Variants in DTL observed in about 807,000 individuals in gnomAD.
The protein encoded by DTL is denticleless protein homolog.
Under a neutral mutation model 87.0 loss-of-function variants are expected in DTL, and 46 were observed. The ratio of observed to expected loss-of-function variants is 0.53; its 90% CI spans 0.42 to 0.68. The LOEUF is 0.68. Ranked by LOEUF, DTL falls within the 30% of genes least tolerant of loss-of-function variation. The pLI, the probability that DTL is intolerant of heterozygous loss-of-function variation, is 0.00. For synonymous variants in DTL, 308 were observed against 311.2 expected, an observed-to-expected ratio of 0.99 and a Z score of 0.11; for missense variants, 737 against 869.4, an observed-to-expected ratio of 0.85 and a Z score of 1.91.
rs1490986793 is a variant in DTL, at chr1:212,090,643, A to AG, written c.1262-9606dup. 2.0e-5 allele frequency among the ~76,000 whole-genome samples: 3 copies of AG among 152,220 alleles called. No homozygotes were observed. The East Asian group carries it at 5.8e-4, about 29-fold the overall frequency. On this transcript the variant is annotated intron_variant, in intron 13 of 14. Transcript: ENST00000366991. ...AGTACTTGCCATTGTATGTAAACAA[A>AG]GGGACAGGTACACATACAGAAGTCC...
At chr1:212,084,505 A>C (rs1413378545) in intron 13 of DTL, among the ~76,000 whole-genome samples, 1 of 151,950 alleles carries the variant, frequency 6.6e-6, no homozygotes, top group African/African-American at 2.4e-5. Context: ...TTTTTTCATT[A>C]ATTTAGTATT....
chr1:212,091,338 T>A (rs1267093522), intron 13 of DTL, among the ~76,000 whole-genome samples: 1 of 152,182 alleles, frequency 6.6e-6, no homozygotes, highest in African/African-American at 2.4e-5. Flanking sequence ...AAGGGAACCC[T>A]TGTACACTGG....
intron 13 of DTL, among the ~76,000 whole-genome samples, chr1:212,087,072 T>C (rs1465174181): frequency 1.3e-5 from 2 of 152,236 alleles, no homozygotes; most frequent in African/African-American, 4.8e-5. Context: ...ATAATTATTC[T>C]AAGGACCTAC....
In DTL at chr1:212,080,686, A is replaced by G. The variant is rs1654964393; in HGVS notation, c.1197A>G (p.Gly399=). 4.3e-6 allele frequency: 7 copies of G among 1,613,758 alleles called. No homozygotes were observed. The highest frequency in any genetic ancestry group is 2.2e-5 in the East Asian group (1 of 44,862). The change falls in exon 13 of 15, where the codon GGA becomes GGG. Residue 399 remains glycine (G), a synonymous_variant. Transcript: ENST00000366991. ...ATAGAGGCTTAGAGGAGAAACCAGG[A>G]GGTGATAAACTTTCCACGGTGGGTT... ...RLNRGLEEKP[G]GDKLSTVGWA...
chr1:212,092,795 G>T (rs1350891491), intron 13 of DTL, among the ~76,000 whole-genome samples: 1 of 152,102 alleles, frequency 6.6e-6, no homozygotes, highest in African/African-American at 2.4e-5. Flanking sequence ...TAGTGGGATT[G>T]CTGGATCAAA....
Position 212,102,880 on chromosome 1 carries a change from A to T in DTL, c.2133A>T (p.Thr711=). ...CCAGCTCCATGAGGAAAATCTGCACATACTTCCATAGAAAGTCCCAGGAGG... is the reference window on the plus strand; with the variant it reads ...CCAGCTCCATGAGGAAAATCTGCACTTACTTCCATAGAAAGTCCCAGGAGG... The part of the protein sequence containing the change: ...ITPSSMRKIC[T]YFHRKSQEDF... Residue 711 remains threonine (T), a synonymous_variant, in exon 15 of 15, where the codon ACA becomes ACT. Transcript: ENST00000366991. The T allele has an allele frequency of 6.2e-7, 1 of 1,612,960 alleles. No individual in the cohort carries two copies. The highest frequency in any genetic ancestry group is 8.5e-7 in the Non-Finnish European group (1 of 1,179,248).
intron 5 of DTL, among the ~76,000 whole-genome samples, chr1:212,048,102 A>G (rs539518497): frequency 6.6e-6 from 1 of 152,372 alleles, no homozygotes; most frequent in African/African-American, 2.4e-5. Flanking sequence ...TGTAAAATCT[A>G]AATGAGCTAT....
intron 13 of DTL, among the ~76,000 whole-genome samples, chr1:212,090,333 G>A (rs78271830): frequency 6.6e-6 from 1 of 152,202 alleles, no homozygotes; most frequent in Non-Finnish European, 1.5e-5. Context: ...ACTGACTAAA[G>A]TGAGTACTTG....
At position 212,043,076 on chromosome 1, in the gene DTL, A is replaced by G; in HGVS notation, c.136A>G (p.Thr46Ala). 6 of 1,613,514 alleles carry G rather than the reference A, an allele frequency of 3.7e-6. No homozygotes were observed. The highest frequency in any genetic ancestry group is 5.1e-6 in the Non-Finnish European group (6 of 1,179,704). ...TGATGAACACACTTCTTATGGAGAA[A>G]CAGGAGTCCCAGTTCCTCCTTTTGG... ...GNDEHTSYGE[T>A]GVPVPPFGCT... Residue 46 changes from threonine to alanine, a missense_variant, in exon 2 of 15, where the codon ACA becomes GCA. By Grantham distance (58) the Thr-to-Ala change is moderately conservative. Coordinates refer to ENST00000366991, the MANE Select transcript of DTL (RefSeq NM_016448.4).
At position 212,072,227 on chromosome 1, in the gene DTL, C is replaced by T. The variant is rs375041545; in HGVS notation, c.1035+14C>T. The T allele has an allele frequency of 3.7e-4, 586 of 1,580,850 alleles. 1 individual carries two copies. The highest frequency in any genetic ancestry group is 4.7e-4 in the Non-Finnish European group (545 of 1,149,990). On this transcript the variant is annotated intron_variant, in intron 11 of 14. Transcript: ENST00000366991. ...TACATATGGAAGGTAAGTTGCTAAA[C>T]TTCACCCACAAGTGTTAGACTGAAG...
intron 2 of DTL, among the ~76,000 whole-genome samples, chr1:212,044,375 T>G (rs1439671780): frequency 6.6e-6 from 1 of 152,074 alleles, no homozygotes; most frequent in Non-Finnish European, 1.5e-5. Context: ...GAGGCTGAGG[T>G]GGGTGGATCA....
At chr1:212,064,195 A>G (rs1312089552) in intron 6 of DTL, among the ~76,000 whole-genome samples, 49 of 152,166 alleles carry the variant, frequency 3.2e-4, no homozygotes, top group Non-Finnish European at 4.4e-5. Flanking sequence ...TTATTTAGAA[A>G]AATTTTAATA....
chr1:212,040,096 G>T (rs1032892141), intron 1 of DTL, among the ~76,000 whole-genome samples: 1 of 152,144 alleles, frequency 6.6e-6, no homozygotes, highest in African/African-American at 2.4e-5. Context: ...GTGGTAACAG[G>T]TAGCATAAAG....
intron 5 of DTL, among the ~76,000 whole-genome samples, chr1:212,059,521 T>G (rs1668275944): frequency 6.6e-6 from 1 of 151,866 alleles, no homozygotes; most frequent in East Asian, 1.9e-4. Flanking sequence ...GGAACATATC[T>G]CAACATAAAA....
At chr1:212,036,702 A>G (rs899489874) in intron 1 of DTL, among the ~76,000 whole-genome samples, 14 of 152,352 alleles carry the variant, frequency 9.2e-5, no homozygotes, top group Middle Eastern at 3.4e-3. Context: ...CATTGGCAAT[A>G]AGAGATTTGA....
chr1:212,036,731 T>C (rs1667479069), intron 1 of DTL, among the ~76,000 whole-genome samples: 1 of 152,224 alleles, frequency 6.6e-6, no homozygotes, highest in African/African-American at 2.4e-5. Context: ...TTGGATGTCA[T>C]CAACTTAAAC....
chr1:212,078,395 G>T, intron 12 of DTL, 133 bp downstream of exon 12: 1 of 607,606 alleles, frequency 1.6e-6, no homozygotes, highest in Non-Finnish European at 2.9e-6. Flanking sequence ...GGCCATCCAG[G>T]ATCTATATTC....
chr1:212,054,579 AG>A (rs1668105307), intron 5 of DTL, among the ~76,000 whole-genome samples: 2 of 152,040 alleles, frequency 1.3e-5, no homozygotes, highest in African/African-American at 2.4e-5. Context: ...TGATCACCTG[AG>A]GTCAGGAGTT....
At chr1:212,079,901 A>C (rs1654940953) in intron 12 of DTL, among the ~76,000 whole-genome samples, 1 of 152,194 alleles carries the variant, frequency 6.6e-6, no homozygotes, top group Non-Finnish European at 1.5e-5. Context: ...TAGAGAAATT[A>C]TATAAACAAA....
Sources: gnomAD v4.1 joint callset for allele counts (sites outside exome capture counted in the v4.1 genomes callset) on GRCh38, gnomAD v4.1.1 for gene constraint, MANE v1.5 for transcripts, NCBI Gene and HGNC (gene_info 2026-07-23, HGNC 2026-07-21) for gene names.